Variants in CWC27 observed in about 807,000 individuals in gnomAD.
CWC27 encodes the protein spliceosome-associated protein CWC27 homolog.
Under a neutral mutation model 63.6 loss-of-function variants are expected in CWC27, and 47 were observed. The ratio of observed to expected loss-of-function variants is 0.74; its 90% CI spans 0.58 to 0.94. CWC27 has a LOEUF of 0.94. Ranked by LOEUF, CWC27 falls within the 40% of genes least tolerant of loss-of-function variation. The pLI is 0.00. For synonymous variants in CWC27, 175 were observed against 179.8 expected (o/e 0.97, Z 0.22); for missense variants, 495 against 554.3 (o/e 0.89, Z 1.07).
chr5:64,939,718 C>T (rs1431631642), intron 11 of CWC27, among the ~76,000 whole-genome samples: 1 of 152,216 alleles, frequency 6.6e-6, no homozygotes, highest in Admixed American at 6.5e-5. Flanking sequence ...GCACCCACAG[C>T]CGCTTTTTCC....
At chr5:64,968,986 T>G (rs1376633356) in intron 11 of CWC27, among the ~76,000 whole-genome samples, 9 of 152,224 alleles carry the variant, frequency 5.9e-5, no homozygotes. Flanking sequence ...TATTATATAC[T>G]TAAATGTACC....
At chr5:64,835,029 A>T (rs537236120) in intron 10 of CWC27, among the ~76,000 whole-genome samples, 2 of 151,808 alleles carry the variant, frequency 1.3e-5, no homozygotes, top group African/African-American at 4.8e-5. Flanking sequence ...ACATCTTTTA[A>T]AATCCAAATT....
intron 5 of CWC27, among the ~76,000 whole-genome samples, chr5:64,786,034 A>T (rs1275270052): frequency 1.3e-5 from 2 of 151,896 alleles, no homozygotes; most frequent in East Asian, 3.9e-4. Flanking sequence ...GCATGGTGGC[A>T]TACGCCTGTA....
At chr5:64,774,578 T>C (rs1561398971) in intron 1 of CWC27, 113 bp from the exon 2 acceptor site, 2 of 548,974 alleles carry the variant, frequency 3.6e-6, no homozygotes, top group East Asian at 6.7e-5. Flanking sequence ...ACACAATTTT[T>C]AATATTTCTT....
At chr5:64,961,242 C>A (rs905847929) in intron 11 of CWC27, among the ~76,000 whole-genome samples, 6 of 152,276 alleles carry the variant, frequency 3.9e-5, no homozygotes, top group African/African-American at 1.4e-4. Flanking sequence ...GCTGATAACT[C>A]ACATGAGACA....
chr5:65,009,495 C>G (rs1390542005), intron 13 of CWC27, among the ~76,000 whole-genome samples: 1 of 152,134 alleles, frequency 6.6e-6, no homozygotes, highest in Non-Finnish European at 1.5e-5. Context: ...CTCCCTAAAA[C>G]TCATATGTTG....
chr5:64,912,493 G>A (rs1471605633), intron 11 of CWC27, among the ~76,000 whole-genome samples: 1 of 151,820 alleles, frequency 6.6e-6, no homozygotes, highest in Non-Finnish European at 1.5e-5. Flanking sequence ...TACAGAACAG[G>A]AAGTTAAACC....
In CWC27 at chr5:64,987,211, A is replaced by G. The variant is rs190482966; in HGVS notation, c.1256+9973A>G. 7.8e-3 allele frequency among the ~76,000 whole-genome samples: 1,180 copies of G among 152,042 alleles called. 12 individuals carry two copies. Among genetic ancestry groups the G allele is most frequent in the Non-Finnish European group, 0.011 (716 of 67,972 alleles). On this transcript the variant is annotated intron_variant, in intron 13 of 13. Coordinates refer to ENST00000381070, the MANE Select transcript of CWC27 (RefSeq NM_005869.4). ...TTTAGCATTTCCATTTAATTTATCT[A>G]TTGTGTTTTTGACAGTATCTGAATA...
At chr5:64,833,021 T>C (rs1328926965) in intron 10 of CWC27, among the ~76,000 whole-genome samples, 1 of 151,800 alleles carries the variant, frequency 6.6e-6, no homozygotes, top group East Asian at 1.9e-4. Flanking sequence ...ACCTGAGTTT[T>C]CTCGTTTGTA....
chr5:65,001,867 A>C (rs1024207670), intron 13 of CWC27, among the ~76,000 whole-genome samples: 4 of 117,046 alleles, frequency 3.4e-5, no homozygotes, highest in African/African-American at 1.5e-4. Flanking sequence ...TTTTATCTTC[A>C]ATTTTTTGGA....
Position 64,971,736 on chromosome 5 carries a change from A to G in CWC27, c.1076A>G (p.Glu359Gly). Residue 359 changes from glutamate (E) to glycine (G), a missense_variant, in exon 12 of 14, where the codon GAA becomes GGA. By Grantham distance (98) the Glu-to-Gly change is moderately conservative. This residue lies in a region of CWC27 where 463 missense variants were observed against 498.1 expected (regional missense o/e 0.93). Coordinates refer to ENST00000381070, the MANE Select transcript of CWC27 (RefSeq NM_005869.4). Reference sequence around the variant, plus strand: ...GCCCCTCCAGATGGTGCTGTTGCCGAATACAGAAGAGAAAAGCAAAAGTAT... The same window carrying G: ...GCCCCTCCAGATGGTGCTGTTGCCGGATACAGAAGAGAAAAGCAAAAGTAT... ...EEAPPDGAVA[E>G]YRREKQKYEA... The G allele has an allele frequency of 6.2e-7, 1 of 1,611,062 alleles. No individual in the cohort carries two copies. The highest frequency in any genetic ancestry group is 8.5e-7 in the Non-Finnish European group (1 of 1,178,836).
At chr5:64,952,090 G>A in intron 11 of CWC27, among the ~76,000 whole-genome samples, 1 of 151,870 alleles carries the variant, frequency 6.6e-6, no homozygotes, top group Non-Finnish European at 1.5e-5. Flanking sequence ...TAAAATGGCA[G>A]AGTATTTGCA....
intron 11 of CWC27, among the ~76,000 whole-genome samples, chr5:64,970,708 C>T (rs1749108575): frequency 6.6e-6 from 1 of 152,098 alleles, no homozygotes; most frequent in South Asian, 2.1e-4. Flanking sequence ...CTTCCAAGTT[C>T]TACCAAAATC....
chr5:64,848,028 G>A (rs1037000342), intron 10 of CWC27, among the ~76,000 whole-genome samples: 9 of 151,462 alleles, frequency 5.9e-5, no homozygotes, highest in African/African-American at 2.2e-4. Context: ...ATCAGAGCAG[G>A]GATAAAGAAA....
At chr5:64,785,634 T>C (rs564845163) in intron 5 of CWC27, 55 bp downstream of exon 5, 3 of 1,096,246 alleles carry the variant, frequency 2.7e-6, no homozygotes, top group Non-Finnish European at 4.1e-6. Flanking sequence ...TAAGAGGAAT[T>C]GATTCTTAGT....
chr5:64,789,660 T>C (rs1744007504), intron 7 of CWC27, among the ~76,000 whole-genome samples: 1 of 152,136 alleles, frequency 6.6e-6, no homozygotes, highest in African/African-American at 2.4e-5. Flanking sequence ...TCTTCAATAT[T>C]GCTTGCATCA....
intron 3 of CWC27, 45 bp downstream of exon 3, chr5:64,782,078 T>C (rs1483377362): frequency 2.8e-6 from 3 of 1,058,318 alleles, no homozygotes; most frequent in Non-Finnish European, 4.1e-6. Flanking sequence ...GTTGTTATTA[T>C]TATTTCCAAG....
At chr5:64,920,376 G>A (rs935336853) in intron 11 of CWC27, among the ~76,000 whole-genome samples, 1 of 152,174 alleles carries the variant, frequency 6.6e-6, no homozygotes, top group Non-Finnish European at 1.5e-5. Flanking sequence ...TGGTTTGCTA[G>A]TATTTTGTTG....
intron 11 of CWC27, among the ~76,000 whole-genome samples, chr5:64,887,765 A>G (rs1392509404): frequency 1.3e-5 from 2 of 152,204 alleles, no homozygotes; most frequent in East Asian, 3.8e-4. Flanking sequence ...ATTTACTAAA[A>G]TCACACATTT....
Sources: allele counts gnomAD v4.1 joint callset (sites outside exome capture counted in the v4.1 genomes callset), GRCh38; gene constraint gnomAD v4.1.1; regional missense constraint gnomAD v4.1.1; transcripts MANE v1.5; gene names NCBI Gene and HGNC (gene_info 2026-07-23, HGNC 2026-07-21).